The following ATOH7 variants were observed in gnomAD, a reference collection of about 807,000 sequenced individuals.
The protein encoded by ATOH7 is transcription factor ATOH7.
Under a neutral mutation model 11.0 loss-of-function variants are expected in ATOH7, and 11 were observed. That is an observed-to-expected ratio of 1.00 (90% CI 0.63 to 1.66). ATOH7 has a LOEUF of 1.66. Ranked by LOEUF, ATOH7 falls within the 40% of genes most tolerant of loss-of-function variation. The pLI is 0.00. For missense variants in ATOH7, 232 were observed against 219.2 expected, an observed-to-expected ratio of 1.06 and a Z score of -0.37; for synonymous variants, 98 against 98.3, an observed-to-expected ratio of 1.00 and a Z score of 0.02.
chr10:68,232,096 A>G lies in ATOH7; in HGVS notation c.-419T>C, dbSNP rs7916697. 100,167 of 166,832 alleles carry G rather than the reference A, an allele frequency of 0.6. 33,435 individuals are homozygous for G. Among genetic ancestry groups the G allele is most frequent in the Non-Finnish European group, 0.75 (51,280 of 68,336 alleles). 10.3% of individuals were successfully genotyped at this position (166,832 alleles called of 1,614,324 possible). A position where few individuals can be genotyped will look rare whatever the true frequency, so the allele number is the denominator to read the frequency against. On this transcript the variant is annotated 5_prime_UTR_variant, in exon 1 of 1. Transcript: ENST00000373673. ...AGGGAAGGAGCGCTTTTAGCGCAGTAGCTGTCGGAGAGTGCAGAATGAATC... is the reference window on the plus strand; with the variant it reads ...AGGGAAGGAGCGCTTTTAGCGCAGTGGCTGTCGGAGAGTGCAGAATGAATC...
chr10:68,231,911 G>A lies in ATOH7; in HGVS notation c.-234C>T, dbSNP rs6480320. On this transcript the variant is annotated 5_prime_UTR_variant, in exon 1 of 1. Coordinates refer to ENST00000373673, the MANE Select transcript of ATOH7 (RefSeq NM_145178.4). ...CACTTGCCCAAATTTAGGGGAAAAT[G>A]AGATGCTCAAGAGAAAGTCATTTTC... is the stretch of plus-strand genomic sequence containing the variant. The A allele has an allele frequency of 0.044, 9,393 of 211,474 alleles. 947 individuals carry two copies. Among genetic ancestry groups the A allele is most frequent in the African/African-American group, 0.21 (8,757 of 42,606 alleles). The allele number at this position is 211,474 out of a possible 1,614,324, so 13.1% of individuals were successfully genotyped here.
rs1475266513 is a variant in ATOH7, at chr10:68,231,194, A to G, written c.*25T>C. ...CCGAGGCTCGGAGCGGCTGCCGGAC[A>G]CCCACCCCCGCGGAGGCGCGCGCCC... On this transcript the variant is annotated 3_prime_UTR_variant, in exon 1 of 1. Transcript: ENST00000373673. 1 of 1,479,426 alleles carries G rather than the reference A, an allele frequency of 6.8e-7. No individual in the cohort carries two copies. The allele number at this position is 1,479,426 out of a possible 1,614,324, so 91.6% of individuals were successfully genotyped here. A position where few individuals can be genotyped will look rare whatever the true frequency, so the allele number is the denominator to read the frequency against.
In ATOH7 at chr10:68,231,376, C is replaced by G; in HGVS notation, c.302G>C (p.Arg101Pro). Residue 101 changes from arginine (R) to proline (P), a missense_variant, in exon 1 of 1, where the codon CGA (arginine) becomes CCA (proline). Coordinates refer to ENST00000373673, the MANE Select transcript of ATOH7 (RefSeq NM_145178.4). ...CACCCAGTCCCGCTCCGAGCCGAATCGCTCGGCCTCGGCCAGGATCCGGGT... is the reference window on the plus strand; with the variant it reads ...CACCCAGTCCCGCTCCGAGCCGAATGGCTCGGCCTCGGCCAGGATCCGGGT... Reference protein sequence around the residue: ...ALTRILAEAERFGSERDWVGL... With the variant: ...ALTRILAEAEPFGSERDWVGL... 6.2e-7 allele frequency: 1 copy of G among 1,613,854 alleles called. No individual in the cohort carries two copies. Among genetic ancestry groups the G allele is most frequent in the Non-Finnish European group, 8.5e-7 (1 of 1,179,910 alleles).
Position 68,231,830 on chromosome 10 carries a change from G to A in ATOH7, c.-153C>T, listed in dbSNP as rs1589630788. On this transcript the variant is annotated 5_prime_UTR_variant, in exon 1 of 1. Transcript: ENST00000373673. ...CACGTGCAATCAAATAGTTTACAGT[G>A]GGGGAGTGCGGGACTCGGCCTTCTG... 4 of 386,890 alleles carry A rather than the reference G, an allele frequency of 1.0e-5. No homozygotes were observed. The East Asian group carries it at 3.2e-4, about 31-fold the overall frequency. 24.0% of individuals were successfully genotyped at this position (386,890 alleles called of 1,614,324 possible). A position where few individuals can be genotyped will look rare whatever the true frequency, so the allele number is the denominator to read the frequency against.
At position 68,231,359 on chromosome 10, in the gene ATOH7, C is replaced by A. The variant is rs1190972084; in HGVS notation, c.319G>T (p.Asp107Tyr). 1 of 1,613,530 alleles carries A rather than the reference C, an allele frequency of 6.2e-7. No homozygotes were observed. The highest frequency in any genetic ancestry group is 8.5e-7 in the Non-Finnish European group (1 of 1,179,902). The change falls in exon 1 of 1, where the codon GAC becomes TAC. Residue 107 changes from aspartate (D) to tyrosine (Y), a missense_variant. Coordinates refer to ENST00000373673, the MANE Select transcript of ATOH7 (RefSeq NM_145178.4). ...AEAERFGSER[D>Y]WVGLHCEHFG... ...TGCTCACAGTGGAGACCCACCCAGT[C>A]CCGCTCCGAGCCGAATCGCTCGGCC...
Position 68,231,426 on chromosome 10 carries a change from C to A in ATOH7, c.252G>T (p.Met84Ile), listed in dbSNP as rs1455004171. 1 of 1,613,626 alleles carries A rather than the reference C, an allele frequency of 6.2e-7. No individual in the cohort carries two copies. Among genetic ancestry groups the A allele is most frequent in the Non-Finnish European group, 8.5e-7 (1 of 1,179,814 alleles). Residue 84 changes from methionine to isoleucine, a missense_variant, in exon 1 of 1, where the codon ATG becomes ATT. Coordinates refer to ENST00000373673, the MANE Select transcript of ATOH7 (RefSeq NM_145178.4). Reference protein sequence around the residue: ...KKLSKYETLQMALSYIMALTR... With the variant: ...KKLSKYETLQIALSYIMALTR... ...TCAGAGCCATGATGTAGCTCAGGGC[C>A]ATCTGCAGGGTCTCGTACTTGGACA...
At position 68,231,326 on chromosome 10, in the gene ATOH7, G is replaced by A; in HGVS notation, c.352C>T (p.Arg118Cys). ...CCCGGGAACGGGAGGTAGTGGTCGC[G>A]GCCGAAGTGCTCACAGTGGAGACCC... is the stretch of plus-strand genomic sequence containing the variant. ...WVGLHCEHFG[R>C]DHYLPFPGAK... Residue 118 changes from arginine (R) to cysteine (C), a missense_variant, in exon 1 of 1, where the codon CGC (arginine) becomes TGC (cysteine). Arg to Cys is a radical substitution (Grantham distance 180, BLOSUM62 -3). Coordinates refer to ENST00000373673, the MANE Select transcript of ATOH7 (RefSeq NM_145178.4). 1 of 1,613,002 alleles carries A rather than the reference G, an allele frequency of 6.2e-7. No individual in the cohort carries two copies. Among genetic ancestry groups the A allele is most frequent in the Non-Finnish European group, 8.5e-7 (1 of 1,179,758 alleles).
chr10:68,231,317 A>G lies in ATOH7; in HGVS notation c.361T>C (p.Tyr121His). 1 of 1,612,734 alleles carries G rather than the reference A, an allele frequency of 6.2e-7. No homozygotes were observed. The highest frequency in any genetic ancestry group is 8.5e-7 in the Non-Finnish European group (1 of 1,179,646). Residue 121 changes from tyrosine (Y) to histidine (H), a missense_variant, in exon 1 of 1, where the codon TAC becomes CAC. By Grantham distance (83) the Tyr-to-His change is moderately conservative. Coordinates refer to ENST00000373673, the MANE Select transcript of ATOH7 (RefSeq NM_145178.4). Reference protein sequence around the residue: ...LHCEHFGRDHYLPFPGAKLPG... With the variant: ...LHCEHFGRDHHLPFPGAKLPG... ...AGCTTCGCGCCCGGGAACGGGAGGT[A>G]GTGGTCGCGGCCGAAGTGCTCACAG...
rs1420621298 is a variant in ATOH7 at position 68,231,266 on chromosome 10, G to A, written c.412C>T (p.Gln138Ter). ...TCGGGCTGGAAGCCGAAGAGTCTCT[G>A]GCTGTACAGCTCGCTCTCGCCCGGC... ...KLPGESELYS[Q>*]RLFGFQPEPF... The change falls in exon 1 of 1, where the codon CAG becomes TAG. Residue 138 changes from glutamine to a stop codon, truncating the protein, a stop_gained. Transcript: ENST00000373673. LOFTEE classifies it high-confidence loss of function. 3 of 1,602,326 alleles carry A rather than the reference G, an allele frequency of 1.9e-6. No individual in the cohort carries two copies. Among genetic ancestry groups the A allele is most frequent in the Non-Finnish European group, 2.6e-6 (3 of 1,176,092 alleles).
rs1044421755 is a variant in ATOH7 at position 68,231,289 on chromosome 10, G to A, written c.389C>T (p.Pro130Leu). Residue 130 changes from proline to leucine, a missense_variant, in exon 1 of 1, where the codon CCG becomes CTG. Physicochemically the swap from Pro to Leu is moderately conservative, Grantham distance 98. Coordinates refer to ENST00000373673, the MANE Select transcript of ATOH7 (RefSeq NM_145178.4). ...CTGGCTGTACAGCTCGCTCTCGCCC[G>A]GCAGCTTCGCGCCCGGGAACGGGAG... is the stretch of plus-strand genomic sequence containing the variant. ...HYLPFPGAKL[P>L]GESELYSQRL... 3 of 1,610,152 alleles carry A rather than the reference G, an allele frequency of 1.9e-6. No individual in the cohort carries two copies. Among genetic ancestry groups the A allele is most frequent in the East Asian group, 2.2e-5 (1 of 44,598 alleles).
In ATOH7 at chr10:68,231,507, GT is replaced by G; in HGVS notation, c.170del (p.Asn57ThrfsTer30). On this transcript the variant is annotated frameshift_variant, in exon 1 of 1. Coordinates refer to ENST00000373673, the MANE Select transcript of ATOH7 (RefSeq NM_145178.4). LOFTEE classifies it high-confidence loss of function. ...CCCTGCGTAAGCGGTCGAAGGCAGT[GT>G]TGAGCCCCTGCATGCGGCGGCGCTC... is the stretch of plus-strand genomic sequence containing the variant. ...ARERRRMQGL[N>X]TAFDRLRRVV... The G allele has an allele frequency of 7.0e-7, 1 of 1,437,412 alleles. No individual in the cohort carries two copies. The highest frequency in any genetic ancestry group is 9.2e-7 in the Non-Finnish European group (1 of 1,081,354). The allele number at this position is 1,437,412 out of a possible 1,614,324, so 89.0% of individuals were successfully genotyped here. A position where few individuals can be genotyped will look rare whatever the true frequency, so the allele number is the denominator to read the frequency against.
chr10:68,231,218 C>A lies in ATOH7; in HGVS notation c.*1G>T, dbSNP rs2044024313. 2.0e-6 allele frequency: 3 copies of A among 1,528,014 alleles called. No homozygotes were observed. The highest frequency in any genetic ancestry group is 2.6e-6 in the Non-Finnish European group (3 of 1,137,746). The allele number at this position is 1,528,014 out of a possible 1,614,324, so 94.7% of individuals were successfully genotyped here. A position where few individuals can be genotyped will look rare whatever the true frequency, so the allele number is the denominator to read the frequency against. ...CACCCACCCCCGCGGAGGCGCGCGCCCTAGGTGGCCATCTGGAAGGGCTCG... is the reference window on the plus strand; with the variant it reads ...CACCCACCCCCGCGGAGGCGCGCGCACTAGGTGGCCATCTGGAAGGGCTCG... On this transcript the variant is annotated 3_prime_UTR_variant, in exon 1 of 1. Transcript: ENST00000373673.
Position 68,231,227 on chromosome 10 carries a change from C to A in ATOH7, c.451G>T (p.Ala151Ser). The change falls in exon 1 of 1, where the codon GCC becomes TCC. Residue 151 changes from alanine to serine, a missense_variant. Physicochemically the swap from Ala to Ser is moderately conservative, Grantham distance 99. Coordinates refer to ENST00000373673, the MANE Select transcript of ATOH7 (RefSeq NM_145178.4). The stretch of plus-strand genomic sequence containing the variant: ...CCGCGGAGGCGCGCGCCCTAGGTGG[C>A]CATCTGGAAGGGCTCGGGCTGGAAG... ...FGFQPEPFQM[A>S]T The A allele has an allele frequency of 6.5e-7, 1 of 1,536,766 alleles. No homozygotes were observed. The highest frequency in any genetic ancestry group is 8.8e-7 in the Non-Finnish European group (1 of 1,141,212).
At position 68,231,339 on chromosome 10, in the gene ATOH7, A is replaced by C; in HGVS notation, c.339T>G (p.Cys113Trp). ...GGTAGTGGTCGCGGCCGAAGTGCTC[A>C]CAGTGGAGACCCACCCAGTCCCGCT... ...GSERDWVGLH[C>W]EHFGRDHYLP... Residue 113 changes from cysteine to tryptophan, a missense_variant, in exon 1 of 1, where the codon TGT (cysteine) becomes TGG (tryptophan). Cys to Trp is a radical substitution (Grantham distance 215). Transcript: ENST00000373673. 6.2e-7 allele frequency: 1 copy of C among 1,613,384 alleles called. No homozygotes were observed. Among genetic ancestry groups the C allele is most frequent in the Non-Finnish European group, 8.5e-7 (1 of 1,179,838 alleles).
At position 68,231,619 on chromosome 10, in the gene ATOH7, G is replaced by T; in HGVS notation, c.59C>A (p.Ala20Glu). The T allele has an allele frequency of 6.0e-6, 7 of 1,162,758 alleles. No homozygotes were observed. The highest frequency in any genetic ancestry group is 6.4e-6 in the Non-Finnish European group (6 of 942,504). The allele number at this position is 1,162,758 out of a possible 1,614,324, so 72.0% of individuals were successfully genotyped here. Residue 20 changes from alanine to glutamate, a missense_variant, in exon 1 of 1, where the codon GCG becomes GAG. Coordinates refer to ENST00000373673, the MANE Select transcript of ATOH7 (RefSeq NM_145178.4). ...CGTGCCCGCGCACTCGGTGCCGCCCGCGCACGGGGGTGCAACGCGCGCTCC... is the reference window on the plus strand; with the variant it reads ...CGTGCCCGCGCACTCGGTGCCGCCCTCGCACGGGGGTGCAACGCGCGCTCC... ...PAGARVAPPCAGGTECAGTCA... is the reference protein window; with the variant it reads ...PAGARVAPPCEGGTECAGTCA...
chr10:68,231,858 C>T lies in ATOH7; in HGVS notation c.-181G>A. On this transcript the variant is annotated 5_prime_UTR_variant, in exon 1 of 1. Coordinates refer to ENST00000373673, the MANE Select transcript of ATOH7 (RefSeq NM_145178.4). ...GGAGTGCGGGACTCGGCCTTCTGTT[C>T]TACTGGATGACCAGGCTGATATCTC... 3.5e-6 allele frequency: 1 copy of T among 283,720 alleles called. No homozygotes were observed. Among genetic ancestry groups the T allele is most frequent in the South Asian group, 1.6e-4 (1 of 6,288 alleles). 17.6% of individuals were successfully genotyped at this position (283,720 alleles called of 1,614,324 possible). A position where few individuals can be genotyped will look rare whatever the true frequency, so the allele number is the denominator to read the frequency against.
Position 68,231,440 on chromosome 10 carries a change from C to G in ATOH7, c.238G>C (p.Glu80Gln). 1.2e-6 allele frequency: 2 copies of G among 1,611,912 alleles called. No homozygotes were observed. Among genetic ancestry groups the G allele is most frequent in the South Asian group, 1.1e-5 (1 of 90,824 alleles). ...TAGCTCAGGGCCATCTGCAGGGTCT[C>G]GTACTTGGACAGCTTTTTATCCTGG... Reference protein sequence around the residue: ...WGQDKKLSKYETLQMALSYIM... With the variant: ...WGQDKKLSKYQTLQMALSYIM... The change falls in exon 1 of 1, where the codon GAG (glutamate) becomes CAG (glutamine). Residue 80 changes from glutamate (E) to glutamine (Q), a missense_variant. Physicochemically the swap from Glu to Gln is conservative, Grantham distance 29. Transcript: ENST00000373673.
chr10:68,231,323 C>G lies in ATOH7; in HGVS notation c.355G>C (p.Asp119His). ...GCGCCCGGGAACGGGAGGTAGTGGT[C>G]GCGGCCGAAGTGCTCACAGTGGAGA... The part of the protein sequence containing the change: ...VGLHCEHFGR[D>H]HYLPFPGAKL... Residue 119 changes from aspartate to histidine, a missense_variant, in exon 1 of 1, where the codon GAC becomes CAC. Physicochemically the swap from Asp to His is moderately conservative, Grantham distance 81 (BLOSUM62 -1). Transcript: ENST00000373673. 2 of 1,612,722 alleles carry G rather than the reference C, an allele frequency of 1.2e-6. No individual in the cohort carries two copies. Among genetic ancestry groups the G allele is most frequent in the Non-Finnish European group, 1.7e-6 (2 of 1,179,602 alleles).
Position 68,231,654 on chromosome 10 carries a change from G to A in ATOH7, c.24C>T (p.Gly8=). The A allele has an allele frequency of 3.4e-6, 4 of 1,173,424 alleles. No homozygotes were observed. Among genetic ancestry groups the A allele is most frequent in the Non-Finnish European group, 3.2e-6 (3 of 947,778 alleles). The allele number at this position is 1,173,424 out of a possible 1,614,324, so 72.7% of individuals were successfully genotyped here. A position where few individuals can be genotyped will look rare whatever the true frequency, so the allele number is the denominator to read the frequency against. ...GTGCAACGCGCGCTCCCGCCGGCGG[G>A]CCGCTGGGCTTGCAGGACTTCATCC... MKSCKPS[G]PPAGARVAPP... Residue 8 remains glycine (G), a synonymous_variant, in exon 1 of 1, where the codon GGC becomes GGT. Coordinates refer to ENST00000373673, the MANE Select transcript of ATOH7 (RefSeq NM_145178.4).
Sources: allele counts gnomAD v4.1 joint callset, GRCh38; gene constraint gnomAD v4.1.1; transcripts MANE v1.5; gene names NCBI Gene and HGNC (gene_info 2026-07-23, HGNC 2026-07-21).